The following PCDH15 variants were observed in gnomAD, a reference collection of about 807,000 sequenced individuals.
The protein encoded by PCDH15 is protocadherin-15.
Under a neutral mutation model 178.5 loss-of-function variants are expected in PCDH15, and 129 were observed. The observed-to-expected ratio is 0.72, with a 90% CI of 0.63 to 0.84. The LOEUF (loss-of-function observed/expected upper bound fraction) is 0.84. PCDH15 is among the 40% of genes least tolerant of loss of function. PCDH15 has a pLI of 0.00. For synonymous variants in PCDH15, 800 were observed against 732.0 expected (o/e 1.09, Z -1.50); for missense variants, 2,230 against 2,099.9 (o/e 1.06, Z -1.21).
At chr10:54,863,529 G>C (rs747875876) in intron 3 of PCDH15, among the ~76,000 whole-genome samples, 2 of 152,164 alleles carry the variant, frequency 1.3e-5, no homozygotes, top group Admixed American at 6.5e-5. Flanking sequence ...GTGCCAGAGC[G>C]AGACTCCGTC....
intron 2 of PCDH15, among the ~76,000 whole-genome samples, chr10:54,915,759 C>T (rs1954891493): frequency 6.6e-6 from 1 of 152,150 alleles, no homozygotes; most frequent in Admixed American, 6.6e-5. Context: ...ATTTCATTCC[C>T]ATTCTGTAAG....
chr10:55,587,958 G>T (rs1022732279), intron 2 of PCDH15, among the ~76,000 whole-genome samples: 1 of 152,152 alleles, frequency 6.6e-6, no homozygotes, highest in Non-Finnish European at 1.5e-5. Flanking sequence ...CAAATGAACC[G>T]CTTTGGTTTT....
chr10:54,835,455 C>A (rs1365749837), intron 3 of PCDH15, among the ~76,000 whole-genome samples: 1 of 152,002 alleles, frequency 6.6e-6, no homozygotes, highest in Non-Finnish European at 1.5e-5. Flanking sequence ...ATGTACATCC[C>A]TATACATATC....
At chr10:54,595,043 C>T (rs1296848808) in intron 2 of PCDH15, among the ~76,000 whole-genome samples, 1 of 152,218 alleles carries the variant, frequency 6.6e-6, no homozygotes, top group Non-Finnish European at 1.5e-5. Flanking sequence ...GCCAGCAGGG[C>T]CCTCCACCTT....
chr10:55,433,053 AAAC>A (rs1838929322), intron 2 of PCDH15, among the ~76,000 whole-genome samples: 4 of 10,852 alleles, frequency 3.7e-4, no homozygotes, highest in African/African-American at 4.7e-3. Flanking sequence ...AAACAAAACA[AAAC>A]AAAAACAGAA....
At chr10:55,412,920 C>T (rs910357991) in intron 2 of PCDH15, among the ~76,000 whole-genome samples, 42 of 139,898 alleles carry the variant, frequency 3.0e-4, no homozygotes, top group Admixed American at 2.5e-3. Context: ...CACACACACA[C>T]GGCAAATTGA....
rs755755292 is a variant in PCDH15, at chr10:54,020,207, G to T, written c.2736C>A (p.Val912=). The part of the protein sequence containing the change: ...YGTMPPGIAT[V]TVIVKDMNDY... Reference sequence around the variant, plus strand: ...TAGCCCTTACCTTTACAATCACTGTGACAGTAGCAATACCAGGTGGCATTG... The same window carrying T: ...TAGCCCTTACCTTTACAATCACTGTTACAGTAGCAATACCAGGTGGCATTG... Residue 912 remains valine, a synonymous_variant, in exon 20 of 38, where the codon GTC becomes GTA. Transcript: ENST00000644397. The T allele has an allele frequency of 1.4e-5, 23 of 1,613,518 alleles. No individual in the cohort carries two copies. In the South Asian group the frequency reaches 2.5e-4, roughly 18 times the overall value.
intron 3 of PCDH15, among the ~76,000 whole-genome samples, chr10:54,413,340 G>C (rs11004282): frequency 6.6e-6 from 1 of 151,836 alleles, no homozygotes; most frequent in Non-Finnish European, 1.5e-5. Flanking sequence ...GGAACCACTT[G>C]ATCAAAGGTC....
intron 2 of PCDH15, among the ~76,000 whole-genome samples, chr10:54,658,650 A>T (rs539455421): frequency 2.0e-4 from 31 of 152,298 alleles, no homozygotes; most frequent in African/African-American, 7.5e-4. Flanking sequence ...ACTTCTAAAC[A>T]TGCAAATGAA....
chr10:54,314,076 A>G, intron 8 of PCDH15, among the ~76,000 whole-genome samples: 1 of 151,964 alleles, frequency 6.6e-6, no homozygotes, highest in East Asian at 1.9e-4. Flanking sequence ...AATTAATACT[A>G]AAAATATATT....
intron 26 of PCDH15, among the ~76,000 whole-genome samples, chr10:53,888,509 TCTTA>T (rs1461437910): frequency 7.1e-6 from 1 of 141,560 alleles, no homozygotes; most frequent in Non-Finnish European, 1.5e-5. Flanking sequence ...TTCCAAAATG[TCTTA>T]CTAATTTTTA....
intron 2 of PCDH15, among the ~76,000 whole-genome samples, chr10:54,939,427 G>A (rs974423009): frequency 3.5e-5 from 5 of 144,610 alleles, no homozygotes; most frequent in South Asian, 2.2e-4. Flanking sequence ...CCCGGGAGGC[G>A]GAGCTTGTGG....
chr10:55,225,962 G>A (rs1165245310), intron 1 of PCDH15, among the ~76,000 whole-genome samples: 4 of 152,074 alleles, frequency 2.6e-5, no homozygotes, highest in Non-Finnish European at 5.9e-5. Context: ...ATAATGGTAA[G>A]AAACAAGTCC....
At chr10:54,124,639 C>A (rs115077181) in intron 15 of PCDH15, among the ~76,000 whole-genome samples, 1,753 of 152,222 alleles carry the variant, frequency 0.012, 27 homozygotes, top group African/African-American at 0.04. Context: ...CAAAGTAATC[C>A]TTGTAATACA....
chr10:55,613,934 C>T (rs1843421941), intron 2 of PCDH15, among the ~76,000 whole-genome samples: 1 of 151,860 alleles, frequency 6.6e-6, no homozygotes. Flanking sequence ...TGGTGAAAAC[C>T]CGTCTCTACT....
chr10:55,603,738 A>C (rs987219358), intron 2 of PCDH15, among the ~76,000 whole-genome samples: 7 of 149,058 alleles, frequency 4.7e-5, no homozygotes, highest in African/African-American at 9.9e-5. Flanking sequence ...AGAGCTCCTG[A>C]AGGAAGCGCT....
At chr10:54,112,351 C>T (rs2095041523) in intron 15 of PCDH15, among the ~76,000 whole-genome samples, 1 of 151,462 alleles carries the variant, frequency 6.6e-6, no homozygotes, top group Non-Finnish European at 1.5e-5. Flanking sequence ...ATGATCTAGT[C>T]CCCAGTCATG....
intron 2 of PCDH15, among the ~76,000 whole-genome samples, chr10:55,418,732 G>C (rs1438598440): frequency 1.3e-5 from 2 of 151,596 alleles, no homozygotes; most frequent in Non-Finnish European, 3.0e-5. Flanking sequence ...AATATTAGAA[G>C]AAAAAAGAAA....
At chr10:55,370,170 A>G (rs1227890994) in intron 2 of PCDH15, among the ~76,000 whole-genome samples, 2 of 152,114 alleles carry the variant, frequency 1.3e-5, no homozygotes, top group East Asian at 3.9e-4. Context: ...TTTGAAATAA[A>G]TGGGGAGGAC....
Sources: allele counts gnomAD v4.1 joint callset (sites outside exome capture counted in the v4.1 genomes callset), GRCh38; gene constraint gnomAD v4.1.1; transcripts MANE v1.5; gene names NCBI Gene and HGNC (gene_info 2026-07-23, HGNC 2026-07-21).